SLCO1A2: variants seen among roughly 807,000 people sequenced by gnomAD.
The protein encoded by SLCO1A2 is OATP-1.
A neutral mutation model predicts 69.0 loss-of-function variants in SLCO1A2; 67 were observed. The ratio of observed to expected loss-of-function variants is 0.97; its 90% CI spans 0.80 to 1.19. The LOEUF is 1.19. Ranked by LOEUF, SLCO1A2 falls within the 50% of genes most tolerant of loss-of-function variation. The pLI is 0.00. For synonymous variants in SLCO1A2, 260 were observed against 265.9 expected (o/e 0.98, Z 0.22); for missense variants, 787 against 793.7 (o/e 0.99, Z 0.10).
rs776117886 is a variant in SLCO1A2, at chr12:21,300,581, T to A, written c.689-12A>T. On this transcript the variant is annotated splice_polypyrimidine_tract_variant and intron_variant, in intron 7 of 14. Transcript: ENST00000683939. ...TATGATCAGATCATCTGTAAAAAAA[T>A]ACACACACTGTTATTAGCTTAAGTC... 4 of 1,577,834 alleles carry A rather than the reference T, an allele frequency of 2.5e-6. No homozygotes were observed. The African/African-American group carries it at 5.4e-5, about 21-fold the overall frequency.
At chr12:21,288,561 C>A (rs58686364) in intron 12 of SLCO1A2, among the ~76,000 whole-genome samples, 23 of 151,696 alleles carry the variant, frequency 1.5e-4, no homozygotes, top group African/African-American at 5.1e-4. Context: ...TTAATAGGTA[C>A]GAAAAAATGG....
chr12:21,321,492 A>T (rs1418937547), intron 2 of SLCO1A2, among the ~76,000 whole-genome samples: 1 of 152,246 alleles, frequency 6.6e-6, no homozygotes, highest in East Asian at 1.9e-4. Context: ...TAAAATACAT[A>T]GTTAGCAAAT....
At chr12:21,389,182 T>C (rs1451052605) in intron 1 of SLCO1A2, among the ~76,000 whole-genome samples, 1 of 152,156 alleles carries the variant, frequency 6.6e-6, no homozygotes, top group Non-Finnish European at 1.5e-5. Flanking sequence ...TTTTCATCTA[T>C]AATAAAGGAA....
intron 9 of SLCO1A2, 69 bp downstream of exon 9, chr12:21,297,335 G>T (rs951734508): frequency 8.4e-7 from 1 of 1,192,062 alleles, no homozygotes; most frequent in Non-Finnish European, 1.1e-6. Context: ...TTAGGAGTTT[G>T]CTACACCCGC....
At chr12:21,331,349 G>A (rs996341938) in intron 2 of SLCO1A2, among the ~76,000 whole-genome samples, 6 of 152,074 alleles carry the variant, frequency 3.9e-5, no homozygotes, top group African/African-American at 1.4e-4. Context: ...TTTAAGACAG[G>A]AAGCTGCAAC....
chr12:21,318,791 A>G lies in SLCO1A2; in HGVS notation c.193T>C (p.Phe65Leu), dbSNP rs373967231. 5.0e-6 allele frequency: 8 copies of G among 1,596,526 alleles called. No homozygotes were observed. In the African/African-American group the frequency reaches 9.5e-5, roughly 19 times the overall value. The change falls in exon 3 of 15, where the codon TTT becomes CTT. Residue 65 changes from phenylalanine to leucine, a missense_variant. Physicochemically the swap from Phe to Leu is conservative, Grantham distance 22. Coordinates refer to ENST00000683939, the MANE Select transcript of SLCO1A2 (RefSeq NM_001386879.1). The stretch of plus-strand genomic sequence containing the variant: ...AAAAATAATTCATTACCAATCTCAA[A>G]GCTTCCATTAATGAATCCAACTAGA... ...TSLVGFINGS[F>L]EIGNLLLIIF...
chr12:21,297,579 A>G lies in SLCO1A2; in HGVS notation c.911-11T>C, dbSNP rs200395376. 3,557 of 1,552,934 alleles carry G rather than the reference A, an allele frequency of 2.3e-3. 118 individuals are homozygous for G. In the South Asian group the frequency reaches 0.04, roughly 18 times the overall value. On this transcript the variant is annotated splice_polypyrimidine_tract_variant and intron_variant, in intron 8 of 14. Transcript: ENST00000683939. ...TGAAAGGTAGAAAATCTGAAATGAA[A>G]GAATGACAACTGTGTCAAACGAACT...
At chr12:21,334,448 A>C (rs572363576) in intron 2 of SLCO1A2, 140 bp downstream of exon 2, 1 of 613,654 alleles carries the variant, frequency 1.6e-6, no homozygotes, top group African/African-American at 1.9e-5. Flanking sequence ...AACTTCTTTA[A>C]AGCAAGAAAT....
At chr12:21,324,067 T>C (rs1221513191) in intron 2 of SLCO1A2, among the ~76,000 whole-genome samples, 1 of 152,130 alleles carries the variant, frequency 6.6e-6, no homozygotes, top group Non-Finnish European at 1.5e-5. Flanking sequence ...GAGAGATAAA[T>C]AACATTAATA....
chr12:21,275,467 T>G, intron 12 of SLCO1A2, 43 bp from the exon 13 acceptor site: 1 of 1,385,386 alleles, frequency 7.2e-7, no homozygotes, highest in Non-Finnish European at 9.5e-7. Context: ...AAATAAAGAT[T>G]TAAAACTATC....
At chr12:21,372,215 G>T (rs1205307836) in intron 2 of SLCO1A2, among the ~76,000 whole-genome samples, 1 of 152,082 alleles carries the variant, frequency 6.6e-6, no homozygotes, top group East Asian at 1.9e-4. Context: ...GAATGGAAAA[G>T]GTCATCCAAA....
chr12:21,354,862 A>C (rs1459228304), intron 2 of SLCO1A2: 1 of 152,098 alleles, frequency 6.6e-6, no homozygotes, highest in Non-Finnish European at 1.5e-5. Context: ...CCTACTTCTC[A>C]GTATGACTCA....
chr12:21,320,249 CTGTTTCTCAGTCTCCAACCCAGCCACATT>C (rs1951433645), intron 2 of SLCO1A2, among the ~76,000 whole-genome samples: 1 of 152,116 alleles, frequency 6.6e-6, no homozygotes, highest in African/African-American at 2.4e-5. Flanking sequence ...ACAACCTTTT[CTGTTTCTCAGTCTCCAACCCAGCCACATT>C]CTCTCTCTTC....
chr12:21,270,053 C>T (rs1312730612), intron 14 of SLCO1A2, among the ~76,000 whole-genome samples: 1 of 151,350 alleles, frequency 6.6e-6, no homozygotes, highest in Non-Finnish European at 1.5e-5. Context: ...GTAGGATCTT[C>T]ACCTCAAAAT....
At chr12:21,348,745 C>CCCCCTTA (rs1937695065) in intron 2 of SLCO1A2, among the ~76,000 whole-genome samples, 1 of 152,130 alleles carries the variant, frequency 6.6e-6, no homozygotes, top group African/African-American at 2.4e-5. Context: ...AATATCTATT[C>CCCCCTTA]AATTCAGCCA....
chr12:21,397,653 C>G (rs1395791891), upstream of SLCO1A2, among the ~76,000 whole-genome samples: 1 of 151,290 alleles, frequency 6.6e-6, no homozygotes, highest in South Asian at 2.1e-4. Context: ...TGGAAAAGAA[C>G]AGAAATTATA....
chr12:21,334,628 CT>C lies in SLCO1A2; in HGVS notation c.19del (p.Arg7GlufsTer7). 2 of 1,610,160 alleles carry C rather than the reference CT, an allele frequency of 1.2e-6. No individual in the cohort carries two copies. The highest frequency in any genetic ancestry group is 8.5e-7 in the Non-Finnish European group (1 of 1,177,866). On this transcript the variant is annotated frameshift_variant, in exon 2 of 15. Coordinates refer to ENST00000683939, the MANE Select transcript of SLCO1A2 (RefSeq NM_001386879.1). LOFTEE classifies it high-confidence loss of function. ...ACATCTTATTCTATGGGTTTCAATT[CT>C]TTTCTCAGTTTCTCCCATGTTGCTC... MGETEK[R>X]IETHRIRCLS...
intron 3 of SLCO1A2, among the ~76,000 whole-genome samples, chr12:21,317,688 T>C (rs999476335): frequency 3.9e-5 from 6 of 152,226 alleles, no homozygotes; most frequent in African/African-American, 1.4e-4. Flanking sequence ...TGAACACTAG[T>C]AGACAAGATC....
rs1365727875 is a variant in SLCO1A2 at position 21,295,625 on chromosome 12, CTG to C, written c.1241_1242del (p.Ser414CysfsTer9). ...LSFLMTCENS[S>X]VVGINTSYEG... ...TCATAAGAGGTATTTATTCCAACAA[CTG>C]AAGAATTTTCACAAGTCATGAGAAA... On this transcript the variant is annotated frameshift_variant, in exon 10 of 15. Coordinates refer to ENST00000683939, the MANE Select transcript of SLCO1A2 (RefSeq NM_001386879.1). LOFTEE classifies it high-confidence loss of function. 1 of 1,596,426 alleles carries C rather than the reference CTG, an allele frequency of 6.3e-7. No homozygotes were observed. The highest frequency in any genetic ancestry group is 1.3e-5 in the African/African-American group (1 of 74,456).
Sources: allele counts gnomAD v4.1 joint callset (sites outside exome capture counted in the v4.1 genomes callset), GRCh38; gene constraint gnomAD v4.1.1; transcripts MANE v1.5; gene names NCBI Gene and HGNC (gene_info 2026-07-23, HGNC 2026-07-21).